The following LRBA variants were observed in gnomAD, a reference collection of about 807,000 sequenced individuals.
The protein encoded by LRBA is lipopolysaccharide-responsive and beige-like anchor protein.
Under a neutral mutation model 330.0 loss-of-function variants are expected in LRBA, and 176 were observed. The observed-to-expected ratio is 0.53, with a 90% confidence interval of 0.47 to 0.60. LRBA has a LOEUF of 0.60. LRBA is among the 20% of genes least tolerant of loss of function. The probability of loss-of-function intolerance (pLI) is 0.00; values close to 1 mark genes in which losing one functional copy is unlikely to be tolerated. For synonymous variants in LRBA, 1,230 were observed against 1,193.0 expected (o/e 1.03, Z -0.64); for missense variants, 3,259 against 3,444.8 (o/e 0.95, Z 1.35).
intron 37 of LRBA, among the ~76,000 whole-genome samples, chr4:150,601,470 T>C (rs546137842): frequency 5.1e-4 from 77 of 152,130 alleles, no homozygotes; most frequent in Non-Finnish European, 1.0e-3. Context: ...ATAATATCTA[T>C]AGCAAAAATA....
intron 34 of LRBA, among the ~76,000 whole-genome samples, chr4:150,786,384 C>T (rs2065599016): frequency 6.6e-6 from 1 of 151,888 alleles, no homozygotes; most frequent in South Asian, 2.1e-4. Context: ...GCTGGGACTA[C>T]AGGCACCCGC....
At chr4:150,622,688 C>CTTTTTTTTTTTTTTTTTTTTTTTT (rs10528461) in intron 37 of LRBA, among the ~76,000 whole-genome samples, 4 of 105,662 alleles carry the variant, frequency 3.8e-5, no homozygotes, top group African/African-American at 1.7e-4. Flanking sequence ...CTAAATCAAT[C>CTTTTTTTTTTTTTTTTTTTTTTTT]TTTTTTTTTT....
intron 46 of LRBA, chr4:150,423,579 C>T (rs1028458122): frequency 2.3e-5 from 8 of 352,288 alleles, no homozygotes; most frequent in African/African-American, 1.5e-4. Flanking sequence ...GTCTTTACCA[C>T]CTGCTTGCCC....
chr4:150,426,989 T>C (rs1018307207), intron 46 of LRBA, among the ~76,000 whole-genome samples: 6 of 151,774 alleles, frequency 4.0e-5, no homozygotes, highest in Non-Finnish European at 8.8e-5. Flanking sequence ...AAATAAATTA[T>C]AATTTGGAAA....
intron 17 of LRBA, among the ~76,000 whole-genome samples, chr4:150,884,571 T>C (rs1231809852): frequency 6.6e-6 from 1 of 151,894 alleles, no homozygotes. Context: ...TATAGAAACA[T>C]GGAAAACCCT....
At chr4:151,005,220 C>T (rs1023611225) in intron 2 of LRBA, among the ~76,000 whole-genome samples, 6 of 151,366 alleles carry the variant, frequency 4.0e-5, no homozygotes, top group Middle Eastern at 3.2e-3. Flanking sequence ...TCAAGGTGGG[C>T]GGATCATGAG....
At chr4:150,654,535 C>T (rs189874320) in intron 37 of LRBA, among the ~76,000 whole-genome samples, 4 of 152,190 alleles carry the variant, frequency 2.6e-5, no homozygotes, top group South Asian at 4.2e-4. Flanking sequence ...TCTCTTCTAT[C>T]GCCTTAAAGT....
rs182226377 is a variant in LRBA at position 150,633,769 on chromosome 4, G to T, written c.5922-34638C>A. Among the ~76,000 whole-genome samples the T allele has an allele frequency of 5.9e-5, 9 of 152,176 alleles. No homozygotes were observed. In the Middle Eastern group the frequency reaches 0.017, roughly 288 times the overall value. On this transcript the variant is annotated intron_variant, in intron 37 of 56. Transcript: ENST00000651943. ...GTACACACATCCACTCACTATCCACGTTCCAGCTATATAACCTTTCTTCTG... is the reference window on the plus strand; with the variant it reads ...GTACACACATCCACTCACTATCCACTTTCCAGCTATATAACCTTTCTTCTG...
rs1462895786 is a variant in LRBA at position 150,702,880 on chromosome 4, C to T, written c.5755-19163G>A. Among the ~76,000 whole-genome samples, 3 of 152,168 alleles carry T rather than the reference C, an allele frequency of 2.0e-5. No individual in the cohort carries two copies. In the East Asian group the frequency reaches 5.8e-4, roughly 29 times the overall value. The stretch of plus-strand genomic sequence containing the variant: ...ATTTTCATAGAGATTTAAATTCCGG[C>T]CGGGCATGGTGGCTCACACCTGTAA... On this transcript the variant is annotated intron_variant, in intron 36 of 56. Coordinates refer to ENST00000651943, the MANE Select transcript of LRBA (RefSeq NM_001364905.1).
chr4:150,350,549 A>G (rs1737000484), intron 47 of LRBA, among the ~76,000 whole-genome samples: 1 of 146,184 alleles, frequency 6.8e-6, no homozygotes, highest in Admixed American at 7.0e-5. Context: ...CAGCCTGGAA[A>G]AGAGCGAAAC....
rs1282682862 is a variant in LRBA, at chr4:150,522,645, A to G, written c.6331-31610T>C. Among the ~76,000 whole-genome samples the G allele has an allele frequency of 1.8e-4, 27 of 152,166 alleles. 1 individual carries two copies. Among genetic ancestry groups the G allele is most frequent in the Admixed American group, 1.8e-3 (27 of 15,268 alleles). On this transcript the variant is annotated intron_variant, in intron 40 of 56. Transcript: ENST00000651943. Reference sequence around the variant, plus strand: ...CTCAAGTCTCCGCTTCCCGCATTCCAGTACAGTGCTCTTTGGCCACCCCAG... The same window carrying G: ...CTCAAGTCTCCGCTTCCCGCATTCCGGTACAGTGCTCTTTGGCCACCCCAG...
intron 40 of LRBA, among the ~76,000 whole-genome samples, chr4:150,528,369 T>C (rs1019797511): frequency 4.0e-5 from 6 of 151,716 alleles, no homozygotes; most frequent in Admixed American, 3.9e-4. Flanking sequence ...GGCGTGGTGG[T>C]GGGCGCCTGT....
chr4:150,806,193 A>G, intron 33 of LRBA, 78 bp downstream of exon 33: 3 of 1,118,364 alleles, frequency 2.7e-6, no homozygotes, highest in Non-Finnish European at 3.7e-6. Context: ...ATGAAACTCC[A>G]TGTTATTTCA....
intron 2 of LRBA, among the ~76,000 whole-genome samples, chr4:150,939,369 T>C (rs929030178): frequency 6.6e-6 from 1 of 152,142 alleles, no homozygotes; most frequent in Non-Finnish European, 1.5e-5. Context: ...GAAAATATCA[T>C]GTGAAAATGA....
chr4:150,786,553 G>T (rs1003027000), intron 34 of LRBA, among the ~76,000 whole-genome samples: 4 of 151,908 alleles, frequency 2.6e-5, no homozygotes, highest in African/African-American at 9.7e-5. Flanking sequence ...CTAGACTTTT[G>T]TATTTCTGAT....
At chr4:150,635,142 T>A (rs1337585923) in intron 37 of LRBA, among the ~76,000 whole-genome samples, 1 of 152,180 alleles carries the variant, frequency 6.6e-6, no homozygotes, top group Non-Finnish European at 1.5e-5. Flanking sequence ...AGACGGAGTT[T>A]CTTTAGCCTC....
chr4:150,545,651 T>C (rs1765775650), intron 40 of LRBA, among the ~76,000 whole-genome samples: 1 of 152,164 alleles, frequency 6.6e-6, no homozygotes, highest in African/African-American at 2.4e-5. Flanking sequence ...ATGTACTGAA[T>C]ACTGGCTAAG....
chr4:150,701,487 T>C (rs912878862), intron 36 of LRBA, among the ~76,000 whole-genome samples: 1 of 152,206 alleles, frequency 6.6e-6, no homozygotes, highest in Admixed American at 6.5e-5. Flanking sequence ...AGTAATGAGT[T>C]ACACTATGAC....
At position 150,985,506 on chromosome 4, in the gene LRBA, T is replaced by A. The variant is rs573212111; in HGVS notation, c.216+28921A>T. ...ACTTTTTTTTAATATATAGTTTTTT[T>A]TTTTTTAATTGAGATGGAGTCTCGC... On this transcript the variant is annotated intron_variant, in intron 2 of 56. Transcript: ENST00000651943. 3.3e-5 allele frequency among the ~76,000 whole-genome samples: 5 copies of A among 151,306 alleles called. No homozygotes were observed. The South Asian group carries it at 1.0e-3, about 32-fold the overall frequency.
Sources: allele counts gnomAD v4.1 joint callset (sites outside exome capture counted in the v4.1 genomes callset), GRCh38; gene constraint gnomAD v4.1.1; transcripts MANE v1.5; gene names NCBI Gene and HGNC (gene_info 2026-07-23, HGNC 2026-07-21).